LRIG1: variants seen among roughly 807,000 people sequenced by gnomAD.
LRIG1 encodes the protein leucine-rich repeats and immunoglobulin-like domains protein 1.
Under a neutral mutation model 99.2 loss-of-function variants are expected in LRIG1, and 48 were observed. That is an observed-to-expected ratio of 0.48 (90% CI 0.38 to 0.62). The LOEUF (loss-of-function observed/expected upper bound fraction) is 0.62. Among genes scored for constraint, LRIG1 ranks in the 20% least tolerant of loss-of-function variants. The probability of loss-of-function intolerance (pLI) is 0.00; values close to 1 mark genes in which losing one functional copy is unlikely to be tolerated. For missense variants in LRIG1, 1,646 were observed against 1,434.4 expected (o/e 1.15, Z -2.38); for synonymous variants, 772 against 596.1 (o/e 1.29, Z -4.30).
At chr3:66,416,691 C>A (rs1057238274) in intron 4 of LRIG1, among the ~76,000 whole-genome samples, 3 of 152,184 alleles carry the variant, frequency 2.0e-5, no homozygotes, top group African/African-American at 7.2e-5. Context: ...GTGCATGACA[C>A]TAGAAAGATA....
intron 1 of LRIG1, among the ~76,000 whole-genome samples, chr3:66,469,553 T>C (rs1387920351): frequency 6.6e-6 from 1 of 152,172 alleles, no homozygotes; most frequent in African/African-American, 2.4e-5. Flanking sequence ...TGTGATCCCA[T>C]AAGGTCTTAC....
intron 6 of LRIG1, among the ~76,000 whole-genome samples, chr3:66,411,921 G>C (rs1242286714): frequency 9.1e-6 from 1 of 110,394 alleles, no homozygotes; most frequent in Non-Finnish European, 1.7e-5. Flanking sequence ...GAACTGGGGT[G>C]AAGAGAGAAT....
chr3:66,385,246 T>C (rs1701314870), intron 13 of LRIG1, among the ~76,000 whole-genome samples: 1 of 152,110 alleles, frequency 6.6e-6, no homozygotes, highest in East Asian at 1.9e-4. Context: ...ACACTGTGTC[T>C]TTCAGGCCAG....
chr3:66,478,132 T>C (rs1575723338), intron 1 of LRIG1, among the ~76,000 whole-genome samples: 1 of 152,236 alleles, frequency 6.6e-6, no homozygotes, highest in East Asian at 1.9e-4. Context: ...ACCGTTTATT[T>C]GCCGCCTTTG....
chr3:66,388,522 G>A (rs1378209036), intron 12 of LRIG1, among the ~76,000 whole-genome samples: 1 of 152,102 alleles, frequency 6.6e-6, no homozygotes, highest in Non-Finnish European at 1.5e-5. Context: ...TGAACTCCAA[G>A]TAGAGTAAAT....
intron 9 of LRIG1, 38 bp from the exon 10 acceptor site, chr3:66,399,079 A>G (rs778110016): frequency 4.6e-6 from 7 of 1,527,748 alleles, no homozygotes; most frequent in Non-Finnish European, 5.4e-6. Context: ...AGGCCAGGGA[A>G]GGAAAGCGAA....
chr3:66,458,862 T>C (rs1328421055), intron 2 of LRIG1, among the ~76,000 whole-genome samples: 1 of 151,260 alleles, frequency 6.6e-6, no homozygotes, highest in Admixed American at 6.6e-5. Context: ...ATCTAAAATA[T>C]AAAAATTAGC....
At chr3:66,474,080 C>T (rs1182082309) in intron 1 of LRIG1, among the ~76,000 whole-genome samples, 3 of 152,190 alleles carry the variant, frequency 2.0e-5, no homozygotes. Flanking sequence ...GATTCAAAAA[C>T]CACAAAGTAT....
Position 66,405,288 on chromosome 3 carries a change from G to C in LRIG1, c.1080-10C>G. On this transcript the variant is annotated splice_polypyrimidine_tract_variant and intron_variant, in intron 8 of 18. Transcript: ENST00000273261. ...GTTATGGTCCAGATCCCTGGGGAGA[G>C]GACAGAAAGCAGCTCACCGAGCAGT... 6.2e-7 allele frequency: 1 copy of C among 1,610,396 alleles called. No homozygotes were observed. Among genetic ancestry groups the C allele is most frequent in the South Asian group, 1.1e-5 (1 of 91,008 alleles).
intron 9 of LRIG1, among the ~76,000 whole-genome samples, chr3:66,400,055 C>G (rs142683031): frequency 6.6e-6 from 1 of 152,232 alleles, no homozygotes; most frequent in African/African-American, 2.4e-5. Context: ...CAACCTCCAA[C>G]GTTATCGCTA....
intron 1 of LRIG1, among the ~76,000 whole-genome samples, chr3:66,487,148 ATTT>A (rs1334272194): frequency 1.3e-5 from 2 of 152,176 alleles, no homozygotes; most frequent in Non-Finnish European, 2.9e-5. Flanking sequence ...ACTATCCATA[ATTT>A]TTGTTTTAGG....
chr3:66,410,058 C>T, intron 7 of LRIG1, 71 bp downstream of exon 7: 1 of 1,500,860 alleles, frequency 6.7e-7, no homozygotes, highest in Non-Finnish European at 9.0e-7. Context: ...GTGGAACGAA[C>T]CAGGCCTAGC....
In LRIG1 at chr3:66,461,999, C is replaced by T. The variant is rs1370294329; in HGVS notation, c.290+439G>A. ...GGCTGATTAACCTGTAATCCCAGCA[C>T]ATTGGGAGGCCAAGGCGCGCAGATC... On this transcript the variant is annotated intron_variant, in intron 2 of 18. Transcript: ENST00000273261. Among the ~76,000 whole-genome samples, 8 of 152,294 alleles carry T rather than the reference C, an allele frequency of 5.3e-5. 1 individual carries two copies. The highest frequency in any genetic ancestry group is 6.8e-3 in the Middle Eastern group (2 of 294).
Position 66,380,738 on chromosome 3 carries a change from G to C in LRIG1, c.2894C>G (p.Pro965Arg), listed in dbSNP as rs144222680. The C allele has an allele frequency of 5.0e-6, 8 of 1,614,072 alleles. No individual in the cohort carries two copies. The highest frequency in any genetic ancestry group is 1.3e-5 in the African/African-American group (1 of 74,928). Residue 965 changes from proline (P) to arginine (R), a missense_variant, in exon 18 of 19, where the codon CCG becomes CGG. Coordinates refer to ENST00000273261, the MANE Select transcript of LRIG1 (RefSeq NM_015541.3). ...DSAQPSAPNG[P>R]EPGGSDQEHS... ...CTCTTGGTCACTCCCACCCGGCTCC[G>C]GGCCATTTGGCGCACTTGGCTGTGC...
chr3:66,406,600 C>G (rs1412533275), intron 8 of LRIG1, among the ~76,000 whole-genome samples: 1 of 152,244 alleles, frequency 6.6e-6, no homozygotes, highest in African/African-American at 2.4e-5. Context: ...CTAGAACCCG[C>G]CACCACTGTC....
chr3:66,428,002 C>T (rs957042673), intron 3 of LRIG1, among the ~76,000 whole-genome samples: 1 of 152,186 alleles, frequency 6.6e-6, no homozygotes, highest in Admixed American at 6.5e-5. Context: ...TTTCTATTGA[C>T]AGAACATACA....
intron 10 of LRIG1, among the ~76,000 whole-genome samples, chr3:66,398,446 G>C (rs990942678): frequency 1.3e-5 from 2 of 152,176 alleles, no homozygotes; most frequent in African/African-American, 4.8e-5. Context: ...AGTCAAACTT[G>C]ATTCAAAGAG....
intron 1 of LRIG1, among the ~76,000 whole-genome samples, chr3:66,495,871 G>T (rs912844199): frequency 1.3e-5 from 2 of 152,186 alleles, no homozygotes; most frequent in Non-Finnish European, 2.9e-5. Flanking sequence ...CTGCAGAAGC[G>T]GGAGAGGCCC....
chr3:66,442,512 TGGAGCCAAC>T (rs1462839340), intron 3 of LRIG1, among the ~76,000 whole-genome samples: 1 of 152,062 alleles, frequency 6.6e-6, no homozygotes, highest in Non-Finnish European at 1.5e-5. Context: ...TGATATGGGC[TGGAGCCAAC>T]CCCTTTCACA....
Sources: allele counts gnomAD v4.1 joint callset (sites outside exome capture counted in the v4.1 genomes callset), GRCh38; gene constraint gnomAD v4.1.1; transcripts MANE v1.5; gene names NCBI Gene and HGNC (gene_info 2026-07-23, HGNC 2026-07-21).